Variants in PKD1L1 observed in about 807,000 individuals in gnomAD.
PKD1L1 encodes polycystin-1-like protein 1.
PKD1L1 carries 236 observed loss-of-function variants against 323.4 expected under a neutral mutation model. The observed-to-expected ratio is 0.73, with a 90% CI of 0.66 to 0.81. The LOEUF (loss-of-function observed/expected upper bound fraction) is 0.81, where lower values mean the gene tolerates loss of function less well. PKD1L1 is among the 40% of genes least tolerant of loss of function. PKD1L1 has a pLI of 0.00. For missense variants in PKD1L1, 3,320 were observed against 3,508.0 expected (o/e 0.95, Z 1.35); for synonymous variants, 1,344 against 1,335.0 (o/e 1.01, Z -0.15).
chr7:47,942,056 A>G (rs1219272289), intron 2 of PKD1L1, among the ~76,000 whole-genome samples: 1 of 152,148 alleles, frequency 6.6e-6, no homozygotes, highest in Non-Finnish European at 1.5e-5. Context: ...TTCCCTCAGG[A>G]AACCAACCCA....
At chr7:47,808,124 A>G in intron 52 of PKD1L1, 123 bp downstream of exon 52, 1 of 1,257,200 alleles carries the variant, frequency 8.0e-7, no homozygotes, top group Non-Finnish European at 1.1e-6. Flanking sequence ...AGCTCAGAGC[A>G]TCATCTCTCG....
intron 9 of PKD1L1, among the ~76,000 whole-genome samples, chr7:47,906,199 TG>T (rs1583664495): frequency 1.3e-5 from 2 of 152,384 alleles, no homozygotes; most frequent in East Asian, 3.8e-4. Flanking sequence ...ACTCCCTGCA[TG>T]GTATTAAATA....
chr7:47,840,219 T>C lies in PKD1L1; in HGVS notation c.5552+242A>G, dbSNP rs76471688. 5.9e-5 allele frequency among the ~76,000 whole-genome samples: 9 copies of C among 152,270 alleles called. No homozygotes were observed. In the East Asian group the frequency reaches 1.5e-3, roughly 26 times the overall value. ...AAACACTGATTATGAACTTTACTAG[T>C]ATGTAAAATCAGTAAGTCTTCTTTC... On this transcript the variant is annotated intron_variant, in intron 35 of 56. Coordinates refer to ENST00000289672, the MANE Select transcript of PKD1L1 (RefSeq NM_138295.5). The surrounding 1 kb of genome is among the most constrained non-coding windows in gnomAD (Gnocchi z 4.1).
rs200343133 is a variant in PKD1L1 at position 47,904,525 on chromosome 7, C to T, written c.1784G>A (p.Arg595Gln). Residue 595 changes from arginine to glutamine, a missense_variant, in exon 12 of 57, where the codon CGG becomes CAG. Coordinates refer to ENST00000289672, the MANE Select transcript of PKD1L1 (RefSeq NM_138295.5). ...CAGAGCTGAGGAGGGGGACGTGAGCCGATTGGCCACAATTTTCTTCTGCAC... is the reference window on the plus strand; with the variant it reads ...CAGAGCTGAGGAGGGGGACGTGAGCTGATTGGCCACAATTTTCTTCTGCAC... ...IRVQKKIVAN[R>Q]LTSPSSALVN... The T allele has an allele frequency of 3.9e-5, 63 of 1,614,098 alleles. No homozygotes were observed. The highest frequency in any genetic ancestry group is 2.0e-4 in the East Asian group (9 of 44,882).
At chr7:47,879,268 T>G (rs1786476483) in intron 21 of PKD1L1, among the ~76,000 whole-genome samples, 1 of 152,112 alleles carries the variant, frequency 6.6e-6, no homozygotes, top group South Asian at 2.1e-4. Context: ...AGAATGCAAG[T>G]TTGCAAATTC....
intron 14 of PKD1L1, among the ~76,000 whole-genome samples, chr7:47,895,046 T>A (rs949095635): frequency 2.6e-5 from 4 of 151,996 alleles, no homozygotes; most frequent in African/African-American, 7.3e-5. Context: ...ACCTTCAACC[T>A]CTGTTTGCTC....
intron 52 of PKD1L1, among the ~76,000 whole-genome samples, chr7:47,807,637 TG>T (rs994233257): frequency 1.3e-5 from 2 of 152,116 alleles, no homozygotes; most frequent in African/African-American, 4.8e-5. Flanking sequence ...CATGCTGTTG[TG>T]GGGGGATCCT....
At chr7:47,776,402 A>G (rs1175190242) in intron 56 of PKD1L1, among the ~76,000 whole-genome samples, 2 of 152,202 alleles carry the variant, frequency 1.3e-5, no homozygotes, top group African/African-American at 4.8e-5. Context: ...AGGGTCCCCC[A>G]TTGTCACTGG....
chr7:47,905,313 T>C lies in PKD1L1; in HGVS notation c.1535A>G (p.Tyr512Cys). 6.2e-7 allele frequency: 1 copy of C among 1,613,876 alleles called. No homozygotes were observed. Among genetic ancestry groups the C allele is most frequent in the Non-Finnish European group, 8.5e-7 (1 of 1,179,938 alleles). Residue 512 changes from tyrosine to cysteine, a missense_variant, in exon 11 of 57, where the codon TAC becomes TGC. By Grantham distance (194) the Tyr-to-Cys change is radical (BLOSUM62 -2). Transcript: ENST00000289672. ...VWYKMQSVSV[Y>C]TNGTVFATDT... ...TGTGGCAAACACAGTTCCATTTGTG[T>C]AGACAGAGACGGCTGTGGCAAAAGA...
intron 56 of PKD1L1, among the ~76,000 whole-genome samples, chr7:47,782,411 C>T (rs1408356623): frequency 6.6e-6 from 1 of 152,134 alleles, no homozygotes; most frequent in Non-Finnish European, 1.5e-5. Context: ...TTATTCAACT[C>T]AGGACAACTG....
chr7:47,960,388 A>AAACAAAC, the PKD1L1 span, among the ~76,000 whole-genome samples: 4 of 132,394 alleles, frequency 3.0e-5, 1 homozygote, highest in Admixed American at 8.3e-5. Flanking sequence ...AAAAAAAAAA[A>AAACAAAC]AAAAAACTGT....
In PKD1L1 at chr7:47,839,721, C is replaced by A. The variant is rs1785530942; in HGVS notation, c.5553-59G>T. ...GGGTGACAGTGTGGTCCTGGCATCC[C>A]ATCAGCCCCAATGCTCACCCTCAAG... On this transcript the variant is annotated intron_variant, in intron 35 of 56. Transcript: ENST00000289672. The surrounding 1 kb of genome is among the most constrained non-coding windows in gnomAD (Gnocchi z 4.3). 6.7e-7 allele frequency: 1 copy of A among 1,487,830 alleles called. No individual in the cohort carries two copies. The highest frequency in any genetic ancestry group is 9.1e-7 in the Non-Finnish European group (1 of 1,096,484). The allele number at this position is 1,487,830 out of a possible 1,614,324, so 92.2% of individuals were successfully genotyped here.
At chr7:47,897,536 T>A (rs1786983697) in intron 14 of PKD1L1, among the ~76,000 whole-genome samples, 1 of 152,208 alleles carries the variant, frequency 6.6e-6, no homozygotes, top group South Asian at 2.1e-4. Flanking sequence ...ACTCGCATAT[T>A]TTCACCACTT....
intron 22 of PKD1L1, 120 bp downstream of exon 22, chr7:47,877,369 T>C (rs1786429868): frequency 1.4e-6 from 2 of 1,400,624 alleles, no homozygotes; most frequent in African/African-American, 2.9e-5. Context: ...AACGGCAGGC[T>C]GAAATCCTTC....
At chr7:47,897,119 C>T (rs1229773012) in intron 14 of PKD1L1, among the ~76,000 whole-genome samples, 1 of 152,212 alleles carries the variant, frequency 6.6e-6, no homozygotes, top group Non-Finnish European at 1.5e-5. Flanking sequence ...CTTCTGGCAA[C>T]TCCAGCATTT....
At chr7:47,846,535 G>A (rs1785668447) in intron 32 of PKD1L1, among the ~76,000 whole-genome samples, 1 of 152,204 alleles carries the variant, frequency 6.6e-6, no homozygotes, top group East Asian at 1.9e-4. Context: ...GCACTTCTAT[G>A]ATAAGAAAAC....
chr7:47,947,768 C>T (rs1225869606), intron 1 of PKD1L1, among the ~76,000 whole-genome samples: 1 of 152,138 alleles, frequency 6.6e-6, no homozygotes, highest in Non-Finnish European at 1.5e-5. Flanking sequence ...GAGATCGAGA[C>T]CATCCTGGCT....
chr7:47,840,718 T>G lies in PKD1L1; in HGVS notation c.5446-151A>C. ...AGTGCCACAGCCTAGAGCCAGGGGA[T>G]GAGTGGGCACGTCCAGTCCCAGGCT... On this transcript the variant is annotated intron_variant, in intron 34 of 56. Transcript: ENST00000289672. The surrounding 1 kb of genome is among the most constrained non-coding windows in gnomAD (Gnocchi z 4.1). The G allele has an allele frequency of 1.7e-6, 1 of 604,146 alleles. No individual in the cohort carries two copies. The highest frequency in any genetic ancestry group is 2.9e-6 in the Non-Finnish European group (1 of 341,332). The allele number at this position is 604,146 out of a possible 1,614,324, so 37.4% of individuals were successfully genotyped here.
intron 1 of PKD1L1, among the ~76,000 whole-genome samples, chr7:47,945,906 G>A (rs1788083731): frequency 6.6e-6 from 1 of 152,196 alleles, no homozygotes; most frequent in Admixed American, 6.5e-5. Context: ...GTAATTTTCT[G>A]TCTCAGAAGG....
Sources: gnomAD v4.1 joint callset for allele counts (sites outside exome capture counted in the v4.1 genomes callset) on GRCh38, gnomAD v4.1.1 for gene constraint, Gnocchi (gnomAD v3.1) non-coding constraint, MANE v1.5 for transcripts, NCBI Gene and HGNC (gene_info 2026-07-23, HGNC 2026-07-21) for gene names.